POF1B: variants seen among roughly 807,000 people sequenced by gnomAD.
POF1B encodes protein POF1B.
Under a neutral mutation model 55.3 loss-of-function variants are expected in POF1B, and 53 were observed. The observed-to-expected ratio is 0.96, with a 90% confidence interval of 0.77 to 1.20. The LOEUF is 1.20. Among genes scored for constraint, POF1B ranks in the 50% most tolerant of loss-of-function variants. The pLI is 0.00. For missense variants in POF1B, 478 were observed against 420.5 expected (o/e 1.14, Z -1.20); for synonymous variants, 188 against 148.3 (o/e 1.27, Z -1.95).
chrX:85,333,212 G>A (rs781778774), intron 6 of POF1B, among the ~76,000 whole-genome samples: 1 of 110,204 alleles, frequency 9.1e-6, no homozygotes, highest in African/African-American at 3.3e-5. Flanking sequence ...CCTTCTTGTT[G>A]TGTATCCAAA....
At chrX:85,354,144 G>A (rs1933439880) in intron 4 of POF1B, among the ~76,000 whole-genome samples, 1 of 111,050 alleles carries the variant, frequency 9.0e-6, no homozygotes, top group African/African-American at 3.3e-5. Flanking sequence ...GGGTAATGCA[G>A]AATATCAGGT....
chrX:85,362,333 G>A (rs1176114296), intron 3 of POF1B, among the ~76,000 whole-genome samples: 1 of 111,169 alleles, frequency 9.0e-6, no homozygotes, highest in East Asian at 2.8e-4. Context: ...GTTTTCAAGC[G>A]GAATGCTTCC....
intron 7 of POF1B, among the ~76,000 whole-genome samples, chrX:85,325,110 A>C (rs746795712): frequency 1.4e-4 from 16 of 111,232 alleles, no homozygotes; most frequent in Admixed American, 5.8e-4. Context: ...CTTTCTGTCT[A>C]GTTGACTTTT....
intron 7 of POF1B, among the ~76,000 whole-genome samples, chrX:85,327,236 C>T (rs1018889289): frequency 3.6e-5 from 4 of 111,224 alleles, no homozygotes; most frequent in African/African-American, 9.8e-5. Context: ...CTCACTCCTT[C>T]CCGAGGAGTT....
intron 2 of POF1B, among the ~76,000 whole-genome samples, chrX:85,373,946 A>G (rs1458937519): frequency 9.0e-6 from 1 of 111,301 alleles, no homozygotes; most frequent in Non-Finnish European, 1.9e-5. Context: ...ACTTAGCTAA[A>G]ACATAGGACA....
In POF1B at chrX:85,282,334, A is replaced by G; in HGVS notation, c.1650-17T>C. The stretch of plus-strand genomic sequence containing the variant: ...GTCCTGTACCTGTTGGCAAGAAAAG[A>G]GTTAGTTTACAGGCTGCATGAGAAA... On this transcript the variant is annotated splice_polypyrimidine_tract_variant and intron_variant, in intron 15 of 16. Transcript: ENST00000262753. 4 of 1,066,016 alleles carry G rather than the reference A, an allele frequency of 3.8e-6. No individual in the cohort carries two copies. Among genetic ancestry groups the G allele is most frequent in the Middle Eastern group, 2.5e-4 (1 of 3,923 alleles). 87.9% of individuals were successfully genotyped at this position (1,066,016 alleles called of 1,213,427 possible).
intron 7 of POF1B, among the ~76,000 whole-genome samples, chrX:85,326,561 G>A (rs1487530153): frequency 1.8e-5 from 2 of 110,463 alleles, no homozygotes; most frequent in Admixed American, 1.9e-4. Context: ...CACAGCAGGG[G>A]ATTGGGGGGC....
At chrX:85,346,557 C>A (rs772320675) in intron 5 of POF1B, among the ~76,000 whole-genome samples, 2 of 109,928 alleles carry the variant, frequency 1.8e-5, no homozygotes, top group Non-Finnish European at 3.8e-5. Flanking sequence ...ATTAAAAAAA[C>A]CAGCGACTGA....
intron 7 of POF1B, among the ~76,000 whole-genome samples, chrX:85,327,654 T>C (rs1016526731): frequency 4.4e-5 from 5 of 112,394 alleles, no homozygotes; most frequent in African/African-American, 6.5e-5. Flanking sequence ...ACTACATGTA[T>C]AGATGCAAAG....
At chrX:85,281,439 G>A (rs1326594429) in intron 16 of POF1B, among the ~76,000 whole-genome samples, 1 of 109,992 alleles carries the variant, frequency 9.1e-6, no homozygotes, top group Non-Finnish European at 1.9e-5. Context: ...TACTTTAAAA[G>A]TTAATAGAGC....
chrX:85,320,654 T>G (rs1023721923), intron 7 of POF1B, among the ~76,000 whole-genome samples: 1 of 111,405 alleles, frequency 9.0e-6, no homozygotes, highest in Non-Finnish European at 1.9e-5. Flanking sequence ...ATCCAGGAGC[T>G]GATTTTTTTG....
chrX:85,351,849 T>C (rs1056647005), intron 4 of POF1B, among the ~76,000 whole-genome samples: 1 of 110,722 alleles, frequency 9.0e-6, no homozygotes. Flanking sequence ...GTTGGAGAAA[T>C]GCAAAATAAA....
intron 13 of POF1B, 57 bp downstream of exon 13, chrX:85,305,734 A>G: frequency 4.4e-6 from 5 of 1,144,141 alleles, no homozygotes; most frequent in Admixed American, 2.6e-5. Flanking sequence ...AGCCATCATT[A>G]TCTTGCTAGA....
chrX:85,305,847 T>TGTA lies in POF1B; in HGVS notation c.1378_1380dup (p.Tyr460dup), dbSNP rs1932560914. The TGTA allele has an allele frequency of 8.3e-7, 1 of 1,207,711 alleles. No individual in the cohort carries two copies. Among genetic ancestry groups the TGTA allele is most frequent in the African/African-American group, 1.8e-5 (1 of 56,991 alleles). Reference sequence around the variant, plus strand: ...ATTCTCAAGTTTTTTACCATCTCCGTGTAGTGGTTGCCAATCTCATCCATT... The same window carrying TGTA: ...ATTCTCAAGTTTTTTACCATCTCCGTGTAGTAGTGGTTGCCAATCTCATCCATT... On this transcript the variant is annotated inframe_insertion, in exon 13 of 17. Transcript: ENST00000262753.
chrX:85,359,620 G>T lies in POF1B; in HGVS notation c.368C>A (p.Ser123Tyr). 8.4e-7 allele frequency: 1 copy of T among 1,191,108 alleles called. No individual in the cohort carries two copies. Among genetic ancestry groups the T allele is most frequent in the Non-Finnish European group, 1.1e-6 (1 of 880,775 alleles). ...ATATGTAGTAAGTTTCACTGTTGGA[G>T]AATGAAGTTCCTGTGAAGAAAAGAC... is the stretch of plus-strand genomic sequence containing the variant. The part of the protein sequence containing the change: ...ITQNTEQELH[S>Y]PTVKLTTYPQ... The change falls in exon 4 of 17, where the codon TCT becomes TAT. Residue 123 changes from serine to tyrosine, a missense_variant. Ser to Tyr is a moderately radical substitution (Grantham distance 144). Transcript: ENST00000262753.
chrX:85,310,628 T>C (rs1216729936), intron 9 of POF1B, among the ~76,000 whole-genome samples: 1 of 112,229 alleles, frequency 8.9e-6, no homozygotes, highest in Non-Finnish European at 1.9e-5. Context: ...GCTTTCATGT[T>C]CAGAGTCCTG....
At chrX:85,305,724 A>G in intron 13 of POF1B, 67 bp downstream of exon 13, 1 of 1,114,302 alleles carries the variant, frequency 9.0e-7, no homozygotes, top group African/African-American at 1.8e-5. Flanking sequence ...TTAAACTTGA[A>G]GCCATCATTA....
chrX:85,379,081 C>A, intron 2 of POF1B, 92 bp downstream of exon 2: 1 of 1,010,100 alleles, frequency 9.9e-7, no homozygotes, highest in Non-Finnish European at 1.4e-6. Context: ...AAAAGATATC[C>A]TGTGGAATAG....
intron 15 of POF1B, among the ~76,000 whole-genome samples, chrX:85,301,254 A>G (rs1932444320): frequency 8.9e-6 from 1 of 111,991 alleles, no homozygotes; most frequent in Non-Finnish European, 1.9e-5. Flanking sequence ...GAAAGCAGTA[A>G]AAAAGAAACA....
Sources: gnomAD v4.1 joint callset for allele counts (sites outside exome capture counted in the v4.1 genomes callset) on GRCh38, gnomAD v4.1.1 for gene constraint, MANE v1.5 for transcripts, NCBI Gene and HGNC (gene_info 2026-07-23, HGNC 2026-07-21) for gene names.